ALPK1: variants seen among roughly 807,000 people sequenced by gnomAD.
The protein encoded by ALPK1 is alpha kinase 1.
Under a neutral mutation model 120.6 loss-of-function variants are expected in ALPK1, and 110 were observed. The observed-to-expected ratio is 0.91, with a 90% confidence interval of 0.78 to 1.07. The LOEUF is 1.07. Ranked by LOEUF, ALPK1 falls within the 50% of genes least tolerant of loss-of-function variation. ALPK1 has a pLI of 0.00. For synonymous variants in ALPK1, 582 were observed against 560.3 expected (o/e 1.04, Z -0.55); for missense variants, 1,498 against 1,483.9 (o/e 1.01, Z -0.16).
intron 4 of ALPK1, among the ~76,000 whole-genome samples, chr4:112,392,328 G>A (rs1414289951): frequency 6.6e-6 from 1 of 151,974 alleles, no homozygotes; most frequent in African/African-American, 2.4e-5. Flanking sequence ...TCAAGACCTT[G>A]GCTTTAACTT....
In ALPK1 at chr4:112,431,995, G is replaced by A; in HGVS notation, c.2448G>A (p.Leu816=). The change falls in exon 11 of 16, where the codon CTG becomes CTA. Residue 816 remains leucine (L), a synonymous_variant. Coordinates refer to ENST00000650871, the MANE Select transcript of ALPK1 (RefSeq NM_025144.4). ...ATTCTCTGGGAAACATTTCCATGCT[G>A]CCATGTAGCTCCTTCACCCCTAATT... The part of the protein sequence containing the change: ...LHNSLGNISM[L]PCSSFTPNWP... 6.2e-7 allele frequency: 1 copy of A among 1,614,082 alleles called. No homozygotes were observed. Among genetic ancestry groups the A allele is most frequent in the Non-Finnish European group, 8.5e-7 (1 of 1,179,996 alleles).
chr4:112,435,754 T>C (rs1057047882), intron 12 of ALPK1, among the ~76,000 whole-genome samples: 1 of 152,200 alleles, frequency 6.6e-6, no homozygotes, highest in Non-Finnish European at 1.5e-5. Flanking sequence ...CTGAACCCTT[T>C]AGGGATCCCG....
At chr4:112,386,462 C>T (rs539732440) in intron 4 of ALPK1, among the ~76,000 whole-genome samples, 6 of 152,302 alleles carry the variant, frequency 3.9e-5, no homozygotes, top group Admixed American at 2.6e-4. Flanking sequence ...GGGTCTTTTC[C>T]GAGATGATAC....
intron 2 of ALPK1, among the ~76,000 whole-genome samples, chr4:112,336,799 A>G (rs945497755): frequency 6.6e-6 from 1 of 152,156 alleles, no homozygotes; most frequent in African/African-American, 2.4e-5. Flanking sequence ...TAGCTATATA[A>G]TCTAAATATC....
chr4:112,336,765 G>T (rs1248599242), intron 2 of ALPK1, among the ~76,000 whole-genome samples: 4 of 152,048 alleles, frequency 2.6e-5, no homozygotes, highest in Non-Finnish European at 5.9e-5. Context: ...AAATGAACTA[G>T]GAATGTCTTT....
chr4:112,321,105 G>A (rs1044127714), intron 2 of ALPK1, among the ~76,000 whole-genome samples: 1 of 151,628 alleles, frequency 6.6e-6, no homozygotes, highest in Non-Finnish European at 1.5e-5. Flanking sequence ...CACCGTGTTA[G>A]CCAGGATGGT....
intron 1 of ALPK1, among the ~76,000 whole-genome samples, chr4:112,314,026 G>A (rs920245865): frequency 2.6e-5 from 4 of 152,214 alleles, no homozygotes; most frequent in East Asian, 1.9e-4. Flanking sequence ...AAAGCTTGAC[G>A]ATGTAAAAGA....
At chr4:112,440,525 T>C (rs534929707) in intron 14 of ALPK1, among the ~76,000 whole-genome samples, 1 of 152,234 alleles carries the variant, frequency 6.6e-6, no homozygotes, top group East Asian at 1.9e-4. Flanking sequence ...TAAATATTTG[T>C]TGAATGAACA....
chr4:112,431,141 A>T lies in ALPK1; in HGVS notation c.1594A>T (p.Arg532Ter), dbSNP rs762283232. 2.5e-6 allele frequency: 4 copies of T among 1,614,072 alleles called. No individual in the cohort carries two copies. The highest frequency in any genetic ancestry group is 3.4e-6 in the Non-Finnish European group (4 of 1,180,052). Reference sequence around the variant, plus strand: ...GGGTAAGAATGTTCAGAGGGAACTCAGAAGGGGAGGAAGGAGAAACTGGAC... The same window carrying T: ...GGGTAAGAATGTTCAGAGGGAACTCTGAAGGGGAGGAAGGAGAAACTGGAC... ...LMGKNVQREL[R>*]RGGRRNWTHS... The change falls in exon 11 of 16, where the codon AGA (arginine) becomes TGA (stop). Residue 532 changes from arginine to a stop codon, truncating the protein, a stop_gained. Transcript: ENST00000650871. LOFTEE classifies it high-confidence loss of function.
At chr4:112,435,485 C>T (rs1481435323) in intron 12 of ALPK1, among the ~76,000 whole-genome samples, 184 bp downstream of exon 12, 1 of 152,122 alleles carries the variant, frequency 6.6e-6, no homozygotes, top group African/African-American at 2.4e-5. Context: ...TGAGGACCCA[C>T]GTTACATCAG....
At chr4:112,419,625 A>G (rs569922727) in intron 5 of ALPK1, among the ~76,000 whole-genome samples, 1 of 152,244 alleles carries the variant, frequency 6.6e-6, no homozygotes, top group East Asian at 1.9e-4. Context: ...AACTCTAAAA[A>G]CTGCAGATAT....
At chr4:112,411,069 A>G (rs947063169) in intron 4 of ALPK1, 5 of 154,842 alleles carry the variant, frequency 3.2e-5, no homozygotes, top group Non-Finnish European at 7.3e-5. Context: ...AAGCAAGACA[A>G]CGATCAATTA....
chr4:112,386,709 C>A (rs1044076423), intron 4 of ALPK1, among the ~76,000 whole-genome samples: 2 of 152,154 alleles, frequency 1.3e-5, no homozygotes, highest in African/African-American at 4.8e-5. Flanking sequence ...ATTATTTCAT[C>A]TTCATCGGTA....
intron 2 of ALPK1, among the ~76,000 whole-genome samples, chr4:112,366,851 G>A (rs550884338): frequency 6.6e-6 from 1 of 152,286 alleles, no homozygotes; most frequent in East Asian, 1.9e-4. Context: ...TATACACCAT[G>A]GACTACTACT....
At chr4:112,439,611 A>G in intron 13 of ALPK1, 75 bp from the exon 14 acceptor site, 5 of 1,374,468 alleles carry the variant, frequency 3.6e-6, no homozygotes, top group Non-Finnish European at 3.9e-6. Context: ...CCTAGGTTCA[A>G]ACCAAGATTT....
At position 112,431,288 on chromosome 4, in the gene ALPK1, A is replaced by G. The variant is rs750475725; in HGVS notation, c.1741A>G (p.Ser581Gly). 6.2e-7 allele frequency: 1 copy of G among 1,614,242 alleles called. No homozygotes were observed. Among genetic ancestry groups the G allele is most frequent in the South Asian group, 1.1e-5 (1 of 91,084 alleles). ...GTCTCTGAGTGGCAGCCAGACTTCC[A>G]GTGCTTGGAGCAACTTATCAGGGTT... ...NKSLSGSQTS[S>G]AWSNLSGFSS... Residue 581 changes from serine (S) to glycine (G), a missense_variant, in exon 11 of 16, where the codon AGT becomes GGT. Transcript: ENST00000650871.
At position 112,432,122 on chromosome 4, in the gene ALPK1, G is replaced by A. The variant is rs796590441; in HGVS notation, c.2575G>A (p.Asp859Asn). 20 of 1,614,180 alleles carry A rather than the reference G, an allele frequency of 1.2e-5. No individual in the cohort carries two copies. The highest frequency in any genetic ancestry group is 8.0e-5 in the African/African-American group (6 of 75,050). Residue 859 changes from aspartate (D) to asparagine (N), a missense_variant, in exon 11 of 16, where the codon GAC (aspartate) becomes AAC (asparagine). Coordinates refer to ENST00000650871, the MANE Select transcript of ALPK1 (RefSeq NM_025144.4). Reference sequence around the variant, plus strand: ...AGTGGATGAGGAGGGGCAACTGCTCGACAGCATGGATGTTCCCTGCACAAA... The same window carrying A: ...AGTGGATGAGGAGGGGCAACTGCTCAACAGCATGGATGTTCCCTGCACAAA... ...STVDEEGQLL[D>N]SMDVPCTNGH...
In ALPK1 at chr4:112,431,155, G is replaced by T. The variant is rs1210674080; in HGVS notation, c.1608G>T (p.Arg536Ser). The change falls in exon 11 of 16, where the codon AGG (arginine) becomes AGT (serine). Residue 536 changes from arginine to serine, a missense_variant. Physicochemically the swap from Arg to Ser is moderately radical, Grantham distance 110. Transcript: ENST00000650871. ...AGAGGGAACTCAGAAGGGGAGGAAGGAGAAACTGGACCCATTCTGATGCAT... is the reference window on the plus strand; with the variant it reads ...AGAGGGAACTCAGAAGGGGAGGAAGTAGAAACTGGACCCATTCTGATGCAT... The part of the protein sequence containing the change: ...NVQRELRRGG[R>S]RNWTHSDAFR... The T allele has an allele frequency of 3.1e-6, 5 of 1,614,034 alleles. No homozygotes were observed. The highest frequency in any genetic ancestry group is 2.5e-6 in the Non-Finnish European group (3 of 1,180,032).
chr4:112,384,289 T>C (rs1732054476), intron 4 of ALPK1: 1 of 152,230 alleles, frequency 6.6e-6, no homozygotes, highest in Admixed American at 6.5e-5. Context: ...GGTTTACTTA[T>C]TGTATCTAAA....
Sources: allele counts gnomAD v4.1 joint callset (sites outside exome capture counted in the v4.1 genomes callset), GRCh38; gene constraint gnomAD v4.1.1; transcripts MANE v1.5; gene names NCBI Gene and HGNC (gene_info 2026-07-23, HGNC 2026-07-21).